Variants in RPS26 observed in about 807,000 individuals in gnomAD.
RPS26 encodes the protein small ribosomal subunit protein eS26.
A neutral mutation model predicts 14.7 loss-of-function variants in RPS26; 1 was observed. The ratio of observed to expected loss-of-function variants is 0.07; its 90% CI spans 0.02 to 0.32. RPS26 has a LOEUF of 0.32. RPS26 is among the 10% of genes least tolerant of loss of function. RPS26 has a pLI of 1.00. For missense variants in RPS26, 63 were observed against 157.7 expected, an observed-to-expected ratio of 0.40 and a Z score of 3.22; for synonymous variants, 59 against 53.1, an observed-to-expected ratio of 1.11 and a Z score of -0.48.
At chr12:56,042,668 C>T (rs1480177456) in intron 2 of RPS26, 66 bp downstream of exon 2, 10 of 1,401,528 alleles carry the variant, frequency 7.1e-6, no homozygotes, top group Non-Finnish European at 8.0e-6. Flanking sequence ...CCCAACTTCG[C>T]CCTTTTGGAG....
rs150715896 is a variant in RPS26, at chr12:56,042,565, A to T, written c.144A>T (p.Ala48=). 6.3e-6 allele frequency: 10 copies of T among 1,599,294 alleles called. No individual in the cohort carries two copies. Among genetic ancestry groups the T allele is most frequent in the Non-Finnish European group, 8.5e-6 (10 of 1,179,748 alleles). Residue 48 remains alanine, a synonymous_variant, in exon 2 of 4, where the codon GCA becomes GCT. Coordinates refer to ENST00000646449, the MANE Select transcript of RPS26 (RefSeq NM_001029.5). ...KFVIRNIVEA[A]AVRDISEASV... ...TCATTCGAAACATAGTGGAGGCCGC[A>T]GCAGTCAGGGACATTTCTGAAGCGA...
chr12:56,044,558 G>T lies in RPS26; in HGVS notation c.*404G>T. 1 of 196,866 alleles carries T rather than the reference G, an allele frequency of 5.1e-6. No individual in the cohort carries two copies. Among genetic ancestry groups the T allele is most frequent in the Non-Finnish European group, 1.0e-5 (1 of 95,890 alleles). The allele number at this position is 196,866 out of a possible 1,614,324, so 12.2% of individuals were successfully genotyped here. Reference sequence around the variant, plus strand: ...GGGGTTTCACTATGTTGTCCAGGCTGGTCTTGAACTTCTGACCTCAGTTAA... The same window carrying T: ...GGGGTTTCACTATGTTGTCCAGGCTTGTCTTGAACTTCTGACCTCAGTTAA... On this transcript the variant is annotated 3_prime_UTR_variant, in exon 4 of 4. Coordinates refer to ENST00000646449, the MANE Select transcript of RPS26 (RefSeq NM_001029.5).
chr12:56,043,259 G>GTTTTTT (rs1895914753), intron 2 of RPS26, 104 bp from the exon 3 acceptor site: 1 of 1,151,208 alleles, frequency 8.7e-7, no homozygotes, highest in African/African-American at 1.5e-5. Context: ...ATTTAAATAG[G>GTTTTTT]TTTAGTTTTA....
rs1288899882 is a variant in RPS26, at chr12:56,042,418, G to C, written c.4-7G>C. On this transcript the variant is annotated splice_region_variant and splice_polypyrimidine_tract_variant and intron_variant, in intron 1 of 3. Transcript: ENST00000646449. ...GTTTTCCTAACAGTTTTCCCATCCT[G>C]TCGCAGACAAAGAAAAGAAGGAACA... The C allele has an allele frequency of 6.2e-7, 1 of 1,614,010 alleles. No homozygotes were observed. Among genetic ancestry groups the C allele is most frequent in the Non-Finnish European group, 8.5e-7 (1 of 1,179,894 alleles).
At position 56,044,365 on chromosome 12, in the gene RPS26, T is replaced by TTTTGTTTTTTG. The variant is rs59385427; in HGVS notation, c.*211_*212insTTTGTTTTTTG. 2.9e-6 allele frequency: 1 copy of TTTTGTTTTTTG among 345,388 alleles called. No individual in the cohort carries two copies. Among genetic ancestry groups the TTTTGTTTTTTG allele is most frequent in the Non-Finnish European group, 5.1e-6 (1 of 195,508 alleles). 21.4% of individuals were successfully genotyped at this position (345,388 alleles called of 1,614,324 possible). A position where few individuals can be genotyped will look rare whatever the true frequency, so the allele number is the denominator to read the frequency against. On this transcript the variant is annotated 3_prime_UTR_variant, in exon 4 of 4. Transcript: ENST00000646449. ...TTTTTCTTTTTTTTTTTTTTTTTTT[T>TTTTGTTTTTTG]GAGACGGAGTCTTTGTCGCCCAAGC... is the stretch of plus-strand genomic sequence containing the variant.
At chr12:56,042,256 G>T in intron 1 of RPS26, 87 bp downstream of exon 1, 2 of 1,556,896 alleles carry the variant, frequency 1.3e-6, no homozygotes, top group Middle Eastern at 1.7e-4. Context: ...CGGCTGAGGG[G>T]TGGACCGAGT....
chr12:56,044,071 C>G (rs1248557324), intron 3 of RPS26, 48 bp from the exon 4 acceptor site: 2 of 1,561,718 alleles, frequency 1.3e-6, no homozygotes, highest in Non-Finnish European at 1.8e-6. Flanking sequence ...GGAAGGGAGT[C>G]TTGGATCCAT....
At chr12:56,043,987 C>T in intron 3 of RPS26, 132 bp from the exon 4 acceptor site, 5 of 830,782 alleles carry the variant, frequency 6.0e-6, no homozygotes, top group South Asian at 5.3e-5. Context: ...TCTCCCTCCA[C>T]CTCTATCAGC....
At position 56,042,084 on chromosome 12, in the gene RPS26, T is replaced by C; in HGVS notation, c.-83T>C. On this transcript the variant is annotated 5_prime_UTR_variant, in exon 1 of 4. Transcript: ENST00000646449. ...CTTGAAGCCCGTCTCCTAAGGATTC[T>C]CCCGGTGTCCGCGTAGGGATCTCAT... The C allele has an allele frequency of 7.0e-7, 1 of 1,425,292 alleles. No individual in the cohort carries two copies. Among genetic ancestry groups the C allele is most frequent in the Non-Finnish European group, 9.9e-7 (1 of 1,007,726 alleles). 88.3% of individuals were successfully genotyped at this position (1,425,292 alleles called of 1,614,324 possible).
chr12:56,043,326 A>G (rs1473436853), intron 2 of RPS26, 37 bp from the exon 3 acceptor site: 3 of 1,600,214 alleles, frequency 1.9e-6, no homozygotes, highest in Non-Finnish European at 2.6e-6. Flanking sequence ...CAAGGTAGGT[A>G]TATAATACCA....
chr12:56,042,910 T>A (rs1593023449), intron 2 of RPS26: 1 of 477,174 alleles, frequency 2.1e-6, no homozygotes, highest in South Asian at 2.1e-5. Flanking sequence ...TTTGAATATT[T>A]GTGAAAATAT....
chr12:56,044,352 T>TC lies in RPS26; in HGVS notation c.*198_*199insC, dbSNP rs1168825184. On this transcript the variant is annotated 3_prime_UTR_variant, in exon 4 of 4. Transcript: ENST00000646449. ...ATGTAATTTAATTTTTTTCTTTTTTTTTTTTTTTTTTTTGAGACGGAGTCT... is the reference window on the plus strand; with the variant it reads ...ATGTAATTTAATTTTTTTCTTTTTTTCTTTTTTTTTTTTTGAGACGGAGTCT... 6 of 402,508 alleles carry TC rather than the reference T, an allele frequency of 1.5e-5. No homozygotes were observed. The highest frequency in any genetic ancestry group is 4.0e-5 in the East Asian group (1 of 25,094). The allele number at this position is 402,508 out of a possible 1,614,324, so 24.9% of individuals were successfully genotyped here. A position where few individuals can be genotyped will look rare whatever the true frequency, so the allele number is the denominator to read the frequency against.
At chr12:56,042,898 T>C in intron 2 of RPS26, 1 of 497,660 alleles carries the variant, frequency 2.0e-6, no homozygotes, top group Non-Finnish European at 3.6e-6. Context: ...TGCTATTGAT[T>C]ATTTGAATAT....
Position 56,042,415 on chromosome 12 carries a change from C to T in RPS26, c.4-10C>T, listed in dbSNP as rs779507927. 13 of 1,613,730 alleles carry T rather than the reference C, an allele frequency of 8.1e-6. No individual in the cohort carries two copies. Among genetic ancestry groups the T allele is most frequent in the African/African-American group, 1.3e-5 (1 of 74,912 alleles). Reference sequence around the variant, plus strand: ...GCCGTTTTCCTAACAGTTTTCCCATCCTGTCGCAGACAAAGAAAAGAAGGA... The same window carrying T: ...GCCGTTTTCCTAACAGTTTTCCCATTCTGTCGCAGACAAAGAAAAGAAGGA... On this transcript the variant is annotated splice_polypyrimidine_tract_variant and intron_variant, in intron 1 of 3. Transcript: ENST00000646449.
intron 2 of RPS26, chr12:56,042,925 G>A (rs977688274): frequency 8.8e-6 from 4 of 453,286 alleles, no homozygotes; most frequent in Non-Finnish European, 1.6e-5. Context: ...AAATATACAG[G>A]TGAGGAAGAA....
At chr12:56,042,194 TG>T (rs745374530) in intron 1 of RPS26, 25 bp downstream of exon 1, 1 of 1,613,076 alleles carries the variant, frequency 6.2e-7, no homozygotes, top group Non-Finnish European at 8.5e-7. Flanking sequence ...GTGGTGAGGG[TG>T]GGGGTTCGGG....
chr12:56,044,346 T>C lies in RPS26; in HGVS notation c.*192T>C. Reference sequence around the variant, plus strand: ...TTATTCATGTAATTTAATTTTTTTCTTTTTTTTTTTTTTTTTTTTGAGACG... The same window carrying C: ...TTATTCATGTAATTTAATTTTTTTCCTTTTTTTTTTTTTTTTTTTGAGACG... On this transcript the variant is annotated 3_prime_UTR_variant, in exon 4 of 4. Coordinates refer to ENST00000646449, the MANE Select transcript of RPS26 (RefSeq NM_001029.5). 1.2e-5 allele frequency: 1 copy of C among 80,838 alleles called. No homozygotes were observed. Among genetic ancestry groups the C allele is most frequent in the Non-Finnish European group, 2.3e-5 (1 of 43,246 alleles). The allele number at this position is 80,838 out of a possible 1,614,324, so 5.0% of individuals were successfully genotyped here.
At chr12:56,042,782 G>A (rs1357835785) in intron 2 of RPS26, 180 bp downstream of exon 2, 2 of 684,034 alleles carry the variant, frequency 2.9e-6, no homozygotes, top group African/African-American at 1.8e-5. Flanking sequence ...CTGGGCAGAG[G>A]GTGACTTTGT....
rs117700991 is a variant in RPS26 at position 56,043,301 on chromosome 12, C to G, written c.182-62C>G. On this transcript the variant is annotated intron_variant, in intron 2 of 3. Transcript: ENST00000646449. Reference sequence around the variant, plus strand: ...GTAAACATGTAAGGTGCTCTTCATTCATGTAACAAAAAAGCAAGGTAGGTA... The same window carrying G: ...GTAAACATGTAAGGTGCTCTTCATTGATGTAACAAAAAAGCAAGGTAGGTA... The G allele has an allele frequency of 4.1e-4, 610 of 1,481,698 alleles. 8 individuals carry two copies. In the East Asian group the frequency reaches 0.012, roughly 29 times the overall value. The allele number at this position is 1,481,698 out of a possible 1,614,324, so 91.8% of individuals were successfully genotyped here.
Sources: gnomAD v4.1 joint callset for allele counts on GRCh38, gnomAD v4.1.1 for gene constraint, MANE v1.5 for transcripts, NCBI Gene and HGNC (gene_info 2026-07-23, HGNC 2026-07-21) for gene names.